The following LRP1B variants were observed in gnomAD, a reference collection of about 807,000 sequenced individuals.
LRP1B encodes LDL receptor related protein 1B, also known as low-density lipoprotein receptor-related protein 1B.
Under a neutral mutation model 556.6 loss-of-function variants are expected in LRP1B, and 217 were observed. The ratio of observed to expected loss-of-function variants is 0.39; its 90% CI spans 0.35 to 0.44. The LOEUF (loss-of-function observed/expected upper bound fraction) is 0.44, where lower values mean the gene tolerates loss of function less well. Ranked by LOEUF, LRP1B falls within the 20% of genes least tolerant of loss-of-function variation. The pLI, the probability that LRP1B is intolerant of heterozygous loss-of-function variation, is 1.00. For synonymous variants in LRP1B, 2,047 were observed against 1,865.8 expected (o/e 1.10, Z -2.50); for missense variants, 5,053 against 5,620.8 (o/e 0.90, Z 3.23).
chr2:140,593,671 T>A (rs1390221436), intron 43 of LRP1B, among the ~76,000 whole-genome samples: 1 of 152,090 alleles, frequency 6.6e-6, no homozygotes, highest in Non-Finnish European at 1.5e-5. Context: ...AATTGAACTG[T>A]GCGGACTTGT....
chr2:141,561,677 T>A (rs1688864780), intron 2 of LRP1B, among the ~76,000 whole-genome samples: 1 of 151,864 alleles, frequency 6.6e-6, no homozygotes, highest in Admixed American at 6.6e-5. Flanking sequence ...GTCAATTTTC[T>A]TCACTTTTCA....
At chr2:140,291,463 C>A (rs1335112177) in intron 84 of LRP1B, among the ~76,000 whole-genome samples, 1 of 151,166 alleles carries the variant, frequency 6.6e-6, no homozygotes. Flanking sequence ...CTCCTCACTC[C>A]CCCCACCCCA....
At chr2:141,864,884 AAAAC>A (rs151234395) in intron 1 of LRP1B, among the ~76,000 whole-genome samples, 57,011 of 151,088 alleles carry the variant, frequency 0.38, 10,873 homozygotes, top group Middle Eastern at 0.48. Flanking sequence ...TCTGTCTCAA[AAAAC>A]AAACAAACAA....
intron 2 of LRP1B, among the ~76,000 whole-genome samples, chr2:141,613,469 ATAAT>A (rs1688182602): frequency 6.6e-6 from 1 of 152,176 alleles, no homozygotes; most frequent in Admixed American, 6.5e-5. Flanking sequence ...TTAAATTTTA[ATAAT>A]TAATCCGTAT....
chr2:140,494,182 T>G (rs76968530), intron 56 of LRP1B, among the ~76,000 whole-genome samples: 6,151 of 152,280 alleles, frequency 0.04, 170 homozygotes, highest in Non-Finnish European at 0.047. Flanking sequence ...TTGCTAATAA[T>G]AAACAACTAT....
At chr2:141,473,509 A>T (rs754960509) in intron 3 of LRP1B, among the ~76,000 whole-genome samples, 1 of 152,166 alleles carries the variant, frequency 6.6e-6, no homozygotes, top group African/African-American at 2.4e-5. Flanking sequence ...AAACTAACTC[A>T]GTTACTTAAA....
At chr2:140,445,394 C>T (rs1038745849) in intron 63 of LRP1B, among the ~76,000 whole-genome samples, 3 of 152,060 alleles carry the variant, frequency 2.0e-5, no homozygotes, top group Non-Finnish European at 2.9e-5. Flanking sequence ...GGATTACAGG[C>T]GTGAGTCACT....
intron 1 of LRP1B, among the ~76,000 whole-genome samples, chr2:141,876,520 T>C (rs565337794): frequency 1.3e-5 from 2 of 152,094 alleles, no homozygotes; most frequent in Admixed American, 1.3e-4. Context: ...AAAGATATAT[T>C]ATAGATTATG....
At chr2:141,843,035 A>C (rs1397719767) in intron 1 of LRP1B, among the ~76,000 whole-genome samples, 1 of 152,112 alleles carries the variant, frequency 6.6e-6, no homozygotes, top group Non-Finnish European at 1.5e-5. Flanking sequence ...TTAAACTGAG[A>C]GGGAAAATGA....
At chr2:141,313,598 A>G (rs1686891953) in intron 3 of LRP1B, among the ~76,000 whole-genome samples, 1 of 152,190 alleles carries the variant, frequency 6.6e-6, no homozygotes, top group Non-Finnish European at 1.5e-5. Flanking sequence ...TGGATTCTGA[A>G]TAATATTGGA....
At chr2:141,110,154 C>T (rs1255478597) in intron 7 of LRP1B, among the ~76,000 whole-genome samples, 1 of 152,098 alleles carries the variant, frequency 6.6e-6, no homozygotes, top group Non-Finnish European at 1.5e-5. Flanking sequence ...ACCTCTCAGG[C>T]CTTAACACAA....
At chr2:140,662,625 A>G (rs1685135537) in intron 41 of LRP1B, among the ~76,000 whole-genome samples, 1 of 152,156 alleles carries the variant, frequency 6.6e-6, no homozygotes, top group Non-Finnish European at 1.5e-5. Context: ...GGCCATTTTC[A>G]TTGGAATGGA....
rs369613080 is a variant in LRP1B at position 141,005,406 on chromosome 2, G to A, written c.2432C>T (p.Ala811Val). ...NNGGCSTLCL[A>V]IPGGRVCACA... Reference sequence around the variant, plus strand: ...AGCACACACCCGGCCTCCTGGGATAGCCAAGCAAAGTGTACTACAGCCCCC... The same window carrying A: ...AGCACACACCCGGCCTCCTGGGATAACCAAGCAAAGTGTACTACAGCCCCC... The change falls in exon 15 of 91, where the codon GCT becomes GTT. Residue 811 changes from alanine to valine, a missense_variant. By Grantham distance (64) the Ala-to-Val change is moderately conservative. Transcript: ENST00000389484. 3.7e-6 allele frequency: 6 copies of A among 1,611,556 alleles called. No individual in the cohort carries two copies. The highest frequency in any genetic ancestry group is 2.7e-5 in the African/African-American group (2 of 74,880).
chr2:140,881,330 A>G (rs929158581), intron 25 of LRP1B, among the ~76,000 whole-genome samples: 2 of 151,900 alleles, frequency 1.3e-5, no homozygotes, highest in African/African-American at 4.8e-5. Flanking sequence ...TGAAAGGTCC[A>G]ATATATTAAA....
intron 86 of LRP1B, among the ~76,000 whole-genome samples, chr2:140,255,849 G>A (rs1301327077): frequency 6.6e-6 from 1 of 152,104 alleles, no homozygotes; most frequent in Non-Finnish European, 1.5e-5. Context: ...TCCACTATGG[G>A]AAACTTTTTA....
At chr2:140,598,909 A>G (rs1018387201) in intron 42 of LRP1B, 74 bp from the exon 43 acceptor site, 2 of 915,776 alleles carry the variant, frequency 2.2e-6, no homozygotes, top group African/African-American at 3.4e-5. Flanking sequence ...AAACATGGCA[A>G]TACCAAGCTA....
chr2:140,959,697 T>C (rs1695977111), intron 18 of LRP1B, among the ~76,000 whole-genome samples: 1 of 151,810 alleles, frequency 6.6e-6, no homozygotes, highest in Non-Finnish European at 1.5e-5. Flanking sequence ...AATTTGGTTA[T>C]ATATTTTAAG....
intron 41 of LRP1B, among the ~76,000 whole-genome samples, chr2:140,658,490 T>C (rs1684967062): frequency 6.6e-6 from 1 of 150,730 alleles, no homozygotes. Context: ...CAATAATCAT[T>C]TTTAATAATT....
chr2:140,895,249 G>A (rs946376661), intron 23 of LRP1B, among the ~76,000 whole-genome samples: 3 of 152,074 alleles, frequency 2.0e-5, no homozygotes, highest in African/African-American at 4.8e-5. Flanking sequence ...ATCTGATTCA[G>A]GCTGAGATAA....
Sources: allele counts gnomAD v4.1 joint callset (sites outside exome capture counted in the v4.1 genomes callset), GRCh38; gene constraint gnomAD v4.1.1; transcripts MANE v1.5; gene names NCBI Gene and HGNC (gene_info 2026-07-23, HGNC 2026-07-21).